SPATA16: variants seen among roughly 807,000 people sequenced by gnomAD.
SPATA16 encodes spermatogenesis-associated protein 16.
In SPATA16, 36 loss-of-function variants were observed where a neutral mutation model predicts 63.3. The observed-to-expected ratio is 0.57, with a 90% CI of 0.44 to 0.75. The LOEUF (loss-of-function observed/expected upper bound fraction) is 0.75, where lower values mean the gene tolerates loss of function less well. Ranked by LOEUF, SPATA16 falls within the 30% of genes least tolerant of loss-of-function variation. The pLI is 0.00. For synonymous variants in SPATA16, 203 were observed against 216.7 expected (o/e 0.94, Z 0.56); for missense variants, 646 against 679.3 (o/e 0.95, Z 0.54).
intron 3 of SPATA16, among the ~76,000 whole-genome samples, chr3:173,036,057 T>C (rs1197087018): frequency 6.6e-6 from 1 of 151,982 alleles, no homozygotes; most frequent in Non-Finnish European, 1.5e-5. Context: ...TTCTTCTGCA[T>C]ACCAAAATAT....
chr3:173,110,577 T>C (rs1016409413), intron 2 of SPATA16, among the ~76,000 whole-genome samples: 29 of 152,230 alleles, frequency 1.9e-4, no homozygotes, highest in African/African-American at 6.8e-4. Context: ...CAGTGACAAC[T>C]TGTACATGAA....
intron 1 of SPATA16, among the ~76,000 whole-genome samples, chr3:173,132,304 TA>T (rs1399502638): frequency 2.6e-5 from 4 of 152,060 alleles, no homozygotes; most frequent in Non-Finnish European, 5.9e-5. Context: ...AAATATTATT[TA>T]AAAAACCTTT....
intron 2 of SPATA16, among the ~76,000 whole-genome samples, chr3:173,088,989 A>T (rs1737155489): frequency 6.6e-6 from 1 of 152,152 alleles, no homozygotes; most frequent in African/African-American, 2.4e-5. Context: ...CTGTCCAAGG[A>T]TGAACGGACC....
At chr3:172,916,931 A>G (rs971951664) in intron 8 of SPATA16, among the ~76,000 whole-genome samples, 1 of 152,238 alleles carries the variant, frequency 6.6e-6, no homozygotes, top group South Asian at 2.1e-4. Context: ...CAAACGTTGT[A>G]TAAGTTGAAT....
At chr3:172,897,558 T>G (rs1732032212) in intron 10 of SPATA16, among the ~76,000 whole-genome samples, 1 of 152,140 alleles carries the variant, frequency 6.6e-6, no homozygotes, top group African/African-American at 2.4e-5. Context: ...TTGTAAATAA[T>G]ACTGTCTTAA....
chr3:172,988,413 G>C lies in SPATA16; in HGVS notation c.849-11361C>G, dbSNP rs890066552. On this transcript the variant is annotated intron_variant, in intron 4 of 10. Transcript: ENST00000351008. ...AAATTTTAGGTAGCTATACTGTGTA[G>C]TACGTGGGCTGTCCTGTGTATTGCA... 2.6e-5 allele frequency among the ~76,000 whole-genome samples: 4 copies of C among 152,144 alleles called. No individual in the cohort carries two copies. In the East Asian group the frequency reaches 5.8e-4, roughly 22 times the overall value.
intron 2 of SPATA16, among the ~76,000 whole-genome samples, chr3:173,102,003 G>A (rs572207834): frequency 4.9e-4 from 74 of 152,222 alleles, no homozygotes; most frequent in Non-Finnish European, 9.3e-4. Flanking sequence ...CCTCAAGTCT[G>A]AGTCAATAAA....
intron 1 of SPATA16, among the ~76,000 whole-genome samples, chr3:173,124,760 G>C (rs568082587): frequency 4.7e-4 from 72 of 152,090 alleles, no homozygotes; most frequent in African/African-American, 1.6e-3. Context: ...ATGACACCAT[G>C]CTCTTCCAAT....
At chr3:172,954,447 G>A (rs1733523537) in intron 6 of SPATA16, among the ~76,000 whole-genome samples, 1 of 152,180 alleles carries the variant, frequency 6.6e-6, no homozygotes, top group Non-Finnish European at 1.5e-5. Flanking sequence ...TGGAGACACA[G>A]CCAAAAGACA....
chr3:172,922,082 CA>C lies in SPATA16; in HGVS notation c.1338+2125del, dbSNP rs1455342405. Among the ~76,000 whole-genome samples, 5 of 152,282 alleles carry C rather than the reference CA, an allele frequency of 3.3e-5. No individual in the cohort carries two copies. The South Asian group carries it at 1.0e-3, about 32-fold the overall frequency. ...CCGTGTAGGAATAATTTCTAGTCAC[CA>C]ATTCATTATTTGCTTCATTAAGCTA... On this transcript the variant is annotated intron_variant, in intron 8 of 10. Coordinates refer to ENST00000351008, the MANE Select transcript of SPATA16 (RefSeq NM_031955.6).
intron 1 of SPATA16, among the ~76,000 whole-genome samples, chr3:173,139,020 GA>G (rs1318257643): frequency 6.6e-6 from 1 of 152,136 alleles, no homozygotes; most frequent in Non-Finnish European, 1.5e-5. Flanking sequence ...ATCATATAGG[GA>G]TTTGGAATTC....
chr3:173,016,319 T>G (rs1452182747), intron 4 of SPATA16, among the ~76,000 whole-genome samples: 1 of 152,228 alleles, frequency 6.6e-6, no homozygotes, highest in Non-Finnish European at 1.5e-5. Context: ...GAGTAGCATT[T>G]CCTCCAGCCT....
intron 3 of SPATA16, among the ~76,000 whole-genome samples, chr3:173,036,497 A>G (rs77389124): frequency 0.011 from 1,727 of 152,168 alleles, 36 homozygotes; most frequent in African/African-American, 0.039. Context: ...TTACTAACTC[A>G]TGAATGGATA....
intron 3 of SPATA16, among the ~76,000 whole-genome samples, chr3:173,032,974 C>T (rs1049083304): frequency 6.6e-6 from 1 of 152,148 alleles, no homozygotes; most frequent in African/African-American, 2.4e-5. Flanking sequence ...ATGAGATCTA[C>T]ATCTCTTGTG....
rs200767938 is a variant in SPATA16 at position 172,938,344 on chromosome 3, CA to C, written c.1082-12853del. On this transcript the variant is annotated intron_variant, in intron 6 of 10. Transcript: ENST00000351008. ...TGAATACAGCAAACATTGATAGGAG[CA>C]AACAATAGGGAAGAAGGAGAGAGTC... is the stretch of plus-strand genomic sequence containing the variant. Among the ~76,000 whole-genome samples, 55 of 152,216 alleles carry C rather than the reference CA, an allele frequency of 3.6e-4. No individual in the cohort carries two copies. In the East Asian group the frequency reaches 0.01, roughly 29 times the overall value.
intron 2 of SPATA16, among the ~76,000 whole-genome samples, chr3:173,076,419 A>T (rs1736804945): frequency 1.3e-5 from 2 of 152,024 alleles, no homozygotes; most frequent in African/African-American, 4.8e-5. Context: ...AAATCAGCAC[A>T]CAAATGTATA....
At chr3:172,981,494 A>G (rs930100125) in intron 4 of SPATA16, among the ~76,000 whole-genome samples, 1 of 152,162 alleles carries the variant, frequency 6.6e-6, no homozygotes, top group Non-Finnish European at 1.5e-5. Context: ...GACAGGGTCC[A>G]TCCTGCTGTC....
intron 10 of SPATA16, among the ~76,000 whole-genome samples, chr3:172,911,746 T>G (rs1732375729): frequency 6.6e-6 from 1 of 152,166 alleles, no homozygotes; most frequent in Non-Finnish European, 1.5e-5. Flanking sequence ...ACCTTTTCTT[T>G]TCTCTCAACT....
chr3:173,020,179 C>G (rs813183), intron 3 of SPATA16, among the ~76,000 whole-genome samples: 25,780 of 151,798 alleles, frequency 0.17, 2,554 homozygotes, highest in African/African-American at 0.26. Context: ...CGCCTGTAAT[C>G]TCAGCTACTC....
Sources: allele counts gnomAD v4.1 joint callset (sites outside exome capture counted in the v4.1 genomes callset), GRCh38; gene constraint gnomAD v4.1.1; transcripts MANE v1.5; gene names NCBI Gene and HGNC (gene_info 2026-07-23, HGNC 2026-07-21).